Variants in IDO1 observed in about 807,000 individuals in gnomAD.
IDO1 encodes indolamine 2,3 dioxygenase.
A neutral mutation model predicts 38.8 loss-of-function variants in IDO1; 35 were observed. The ratio of observed to expected loss-of-function variants is 0.90; its 90% CI spans 0.69 to 1.20. The LOEUF is 1.20. Among genes scored for constraint, IDO1 ranks in the 50% most tolerant of loss-of-function variants. The pLI is 0.00. For synonymous variants in IDO1, 171 were observed against 170.0 expected, an observed-to-expected ratio of 1.01 and a Z score of -0.05; for missense variants, 509 against 485.1, an observed-to-expected ratio of 1.05 and a Z score of -0.46.
Position 39,928,243 on chromosome 8 carries a change from A to G in IDO1, c.*58A>G. The G allele has an allele frequency of 1.6e-6, 2 of 1,228,154 alleles. No individual in the cohort carries two copies. Among genetic ancestry groups the G allele is most frequent in the East Asian group, 2.5e-5 (1 of 40,362 alleles). 76.1% of individuals were successfully genotyped at this position (1,228,154 alleles called of 1,614,324 possible). On this transcript the variant is annotated 3_prime_UTR_variant, in exon 10 of 10. Coordinates refer to ENST00000518237, the MANE Select transcript of IDO1 (RefSeq NM_002164.6). ...AGAGACATCTGTATGCATTCCTGTC[A>G]TTACCCATTGTAACAGAGCCACAAA... is the stretch of plus-strand genomic sequence containing the variant.
chr8:39,914,077 T>C, intron 1 of IDO1, 68 bp downstream of exon 1: 2 of 1,113,250 alleles, frequency 1.8e-6, no homozygotes, highest in Admixed American at 4.0e-5. Flanking sequence ...CCAAGTTAAC[T>C]TCTACTGAAC....
At chr8:39,918,486 T>C (rs764298924) in intron 3 of IDO1, 25 of 467,014 alleles carry the variant, frequency 5.4e-5, no homozygotes, top group Non-Finnish European at 8.3e-5. Context: ...AAAACACACA[T>C]GGGCCTCCCA....
Position 39,913,950 on chromosome 8 carries a change from A to G in IDO1, c.28A>G (p.Thr10Ala), listed in dbSNP as rs746614436. 1.3e-5 allele frequency: 20 copies of G among 1,574,972 alleles called. No homozygotes were observed. Among genetic ancestry groups the G allele is most frequent in the Non-Finnish European group, 1.7e-5 (20 of 1,160,052 alleles). The change falls in exon 1 of 10, where the codon ACA becomes GCA. Residue 10 changes from threonine (T) to alanine (A), a missense_variant. By Grantham distance (58) the Thr-to-Ala change is moderately conservative. Transcript: ENST00000518237. ...GGCACACGCTATGGAAAACTCCTGG[A>G]CAATCAGTAAAGAGTACCATATTGA... MAHAMENSWTISKEYHIDEE... is the reference protein window; with the variant it reads MAHAMENSWAISKEYHIDEE...
At chr8:39,916,658 A>G (rs1039123257) in intron 1 of IDO1, among the ~76,000 whole-genome samples, 1 of 152,224 alleles carries the variant, frequency 6.6e-6, no homozygotes, top group African/African-American at 2.4e-5. Flanking sequence ...TTCTTAGTCC[A>G]AAGGAAAATA....
chr8:39,923,527 C>CT lies in IDO1; in HGVS notation c.596_597insT (p.Leu200AlafsTer51), dbSNP rs1563416714. On this transcript the variant is annotated frameshift_variant, in exon 7 of 10. Transcript: ENST00000518237. LOFTEE classifies it high-confidence loss of function. ...CAAGAACGGGACACTTTGCTAAAGGCGCTGTTGGAAATAGCTTCTTGCTTG... is the reference window on the plus strand; with the variant it reads ...CAAGAACGGGACACTTTGCTAAAGGCTGCTGTTGGAAATAGCTTCTTGCTTG... The CT allele has an allele frequency of 6.2e-7, 1 of 1,613,452 alleles. No homozygotes were observed. The highest frequency in any genetic ancestry group is 8.5e-7 in the Non-Finnish European group (1 of 1,179,576).
At chr8:39,927,416 C>T (rs572301560) in intron 9 of IDO1, among the ~76,000 whole-genome samples, 467 of 151,804 alleles carry the variant, frequency 3.1e-3, no homozygotes, top group Non-Finnish European at 4.9e-3. Context: ...CAAAATTAGC[C>T]GGGCATGGTG....
At position 39,914,748 on chromosome 8, in the gene IDO1, T is replaced by C. The variant is rs1319375649; in HGVS notation, c.87+739T>C. ...ATTCTCATAGCCATCCCAAAAGTTA[T>C]GTATGTTATTTATTTATTATTATTA... On this transcript the variant is annotated intron_variant, in intron 1 of 9. Coordinates refer to ENST00000518237, the MANE Select transcript of IDO1 (RefSeq NM_002164.6). Among the ~76,000 whole-genome samples the C allele has an allele frequency of 4.6e-5, 7 of 152,132 alleles. No homozygotes were observed. The East Asian group carries it at 1.3e-3, about 29-fold the overall frequency.
intron 2 of IDO1, 25 bp downstream of exon 2, chr8:39,917,995 C>A: frequency 6.2e-7 from 1 of 1,610,696 alleles, no homozygotes. Context: ...TTACATTTGT[C>A]TTCTTGTATA....
chr8:39,923,202 G>A (rs1252838051), intron 6 of IDO1, among the ~76,000 whole-genome samples: 4 of 152,032 alleles, frequency 2.6e-5, no homozygotes, highest in African/African-American at 4.8e-5. Context: ...TCAGGAGTTC[G>A]AGACCAGCCT....
chr8:39,923,458 G>A lies in IDO1; in HGVS notation c.538-11G>A. On this transcript the variant is annotated splice_polypyrimidine_tract_variant and intron_variant, in intron 6 of 9. Transcript: ENST00000518237. ...AACCTTAAATGTTTGTGTTTTGTTT[G>A]TTTGTTTTAGGTAATTCCTACTGTA... 2 of 1,385,178 alleles carry A rather than the reference G, an allele frequency of 1.4e-6. No homozygotes were observed. Among genetic ancestry groups the A allele is most frequent in the Non-Finnish European group, 2.0e-6 (2 of 976,736 alleles). The allele number at this position is 1,385,178 out of a possible 1,614,324, so 85.8% of individuals were successfully genotyped here. A position where few individuals can be genotyped will look rare whatever the true frequency, so the allele number is the denominator to read the frequency against.
At position 39,917,919 on chromosome 8, in the gene IDO1, A is replaced by G. The variant is rs1807200675; in HGVS notation, c.132A>G (p.Lys44=). 5.6e-6 allele frequency: 9 copies of G among 1,613,478 alleles called. No individual in the cohort carries two copies. In the East Asian group the frequency reaches 2.0e-4, roughly 36 times the overall value. The change falls in exon 2 of 10, where the codon AAA becomes AAG. Residue 44 remains lysine, a synonymous_variant. Transcript: ENST00000518237. ...ATAATGACTGGATGTTCATTGCTAA[A>G]CATCTGCCTGATCTCATAGAGTCTG... ...DFYNDWMFIA[K]HLPDLIESGQ...
At position 39,925,251 on chromosome 8, in the gene IDO1, G is replaced by C; in HGVS notation, c.736G>C (p.Gly246Arg). 1 of 1,607,166 alleles carries C rather than the reference G, an allele frequency of 6.2e-7. No individual in the cohort carries two copies. ...GAAAGGCAACCCCCAGCTATCAGACGGTCTGGTGTATGAAGGGTTCTGGGA... is the reference window on the plus strand; with the variant it reads ...GAAAGGCAACCCCCAGCTATCAGACCGTCTGGTGTATGAAGGGTTCTGGGA... Reference protein sequence around the residue: ...GWKGNPQLSDGLVYEGFWEDP... With the variant: ...GWKGNPQLSDRLVYEGFWEDP... Residue 246 changes from glycine (G) to arginine (R), a missense_variant, in exon 9 of 10, where the codon GGT becomes CGT. By Grantham distance (125) the Gly-to-Arg change is moderately radical. Coordinates refer to ENST00000518237, the MANE Select transcript of IDO1 (RefSeq NM_002164.6).
chr8:39,928,410 A>G lies in IDO1; in HGVS notation c.*225A>G. 1 of 442,638 alleles carries G rather than the reference A, an allele frequency of 2.3e-6. No homozygotes were observed. The highest frequency in any genetic ancestry group is 3.8e-5 in the South Asian group (1 of 26,546). The allele number at this position is 442,638 out of a possible 1,614,324, so 27.4% of individuals were successfully genotyped here. On this transcript the variant is annotated 3_prime_UTR_variant, in exon 10 of 10. Transcript: ENST00000518237. The stretch of plus-strand genomic sequence containing the variant: ...AATCTGTATCTTATCATTGGAATAA[A>G]ATGACATTCAATAAATAAAAATGCA...
At chr8:39,922,030 C>T (rs188949534) in intron 5 of IDO1, among the ~76,000 whole-genome samples, 2 of 152,210 alleles carry the variant, frequency 1.3e-5, no homozygotes, top group African/African-American at 2.4e-5. Context: ...AGACGAGTCT[C>T]GCTCTTGTCG....
intron 1 of IDO1, among the ~76,000 whole-genome samples, chr8:39,917,077 C>A (rs930854040): frequency 6.6e-6 from 1 of 152,164 alleles, no homozygotes; most frequent in African/African-American, 2.4e-5. Context: ...CTTCTTGGGC[C>A]ATTACAATAA....
In IDO1 at chr8:39,927,894, G is replaced by C. The variant is rs747391374; in HGVS notation, c.921G>C (p.Leu307=). The C allele has an allele frequency of 1.9e-6, 3 of 1,602,830 alleles. No individual in the cohort carries two copies. Among genetic ancestry groups the C allele is most frequent in the Non-Finnish European group, 2.6e-6 (3 of 1,174,188 alleles). ...TGCCACCAGCTCACAGGAACTTCCT[G>C]TGCTCATTAGAGTCAAATCCCTCAG... ...RYMPPAHRNF[L]CSLESNPSVR... is the part of the protein sequence containing the mutation. The change falls in exon 10 of 10, where the codon CTG becomes CTC. Residue 307 remains leucine, a synonymous_variant. Coordinates refer to ENST00000518237, the MANE Select transcript of IDO1 (RefSeq NM_002164.6).
chr8:39,928,344 C>A lies in IDO1; in HGVS notation c.*159C>A. 1 of 561,438 alleles carries A rather than the reference C, an allele frequency of 1.8e-6. No homozygotes were observed. The highest frequency in any genetic ancestry group is 3.1e-6 in the Non-Finnish European group (1 of 320,652). The allele number at this position is 561,438 out of a possible 1,614,324, so 34.8% of individuals were successfully genotyped here. ...TACCTGTGCATTTCTTGTAGGAAAA[C>A]AACAAAAGGTAATTATGTGTAATTA... On this transcript the variant is annotated 3_prime_UTR_variant, in exon 10 of 10. Transcript: ENST00000518237.
At chr8:39,914,031 T>A (rs1282706993) in intron 1 of IDO1, 22 bp downstream of exon 1, 7 of 1,504,610 alleles carry the variant, frequency 4.7e-6, no homozygotes, top group African/African-American at 2.8e-5. Context: ...CAGTAAAATG[T>A]GGGAAAATGC....
chr8:39,923,970 A>G (rs910492645), intron 7 of IDO1: 1 of 154,644 alleles, frequency 6.5e-6, no homozygotes, highest in African/African-American at 2.4e-5. Flanking sequence ...ACTCCTTCCT[A>G]ATTCTGTTTT....
Sources: gnomAD v4.1 joint callset for allele counts (sites outside exome capture counted in the v4.1 genomes callset) on GRCh38, gnomAD v4.1.1 for gene constraint, MANE v1.5 for transcripts, NCBI Gene and HGNC (gene_info 2026-07-23, HGNC 2026-07-21) for gene names.